ADPRH: variants seen among roughly 807,000 people sequenced by gnomAD.
ADPRH encodes ADP-ribose-L-arginine cleaving enzyme.
A neutral mutation model predicts 28.8 loss-of-function variants in ADPRH; 27 were observed. The observed-to-expected ratio is 0.94, with a 90% confidence interval of 0.69 to 1.29. The LOEUF (loss-of-function observed/expected upper bound fraction) is 1.29, where lower values mean the gene tolerates loss of function less well. Ranked by LOEUF, ADPRH falls within the 50% of genes most tolerant of loss-of-function variation. The pLI, the probability that ADPRH is intolerant of heterozygous loss-of-function variation, is 0.00. For missense variants in ADPRH, 419 were observed against 444.8 expected, an observed-to-expected ratio of 0.94 and a Z score of 0.52; for synonymous variants, 161 against 166.9, an observed-to-expected ratio of 0.96 and a Z score of 0.27.
chr3:119,586,364 G>A lies in ADPRH; in HGVS notation c.378G>A (p.Glu126=), dbSNP rs146226998. 114 of 1,614,230 alleles carry A rather than the reference G, an allele frequency of 7.1e-5. No individual in the cohort carries two copies. The African/African-American group carries it at 8.0e-4, about 11-fold the overall frequency. Residue 126 remains glutamate (E), a synonymous_variant, in exon 4 of 5, where the codon GAG becomes GAA. Transcript: ENST00000357003. ...GGAGGATTCCCTTCAACAGCCATGA[G>A]GGCGGCTGTGGGGCTGCCATGCGGG... ...NGWRIPFNSH[E]GGCGAAMRAM...
chr3:119,583,880 C>T (rs1313075747), intron 3 of ADPRH, among the ~76,000 whole-genome samples: 7 of 151,904 alleles, frequency 4.6e-5, no homozygotes, highest in African/African-American at 1.2e-4. Flanking sequence ...CAGGTTCAAG[C>T]GATTCTCCTG....
Position 119,587,795 on chromosome 3 carries a change from CTAGAA to C in ADPRH, c.994_998del (p.Glu332GlnfsTer9). The stretch of plus-strand genomic sequence containing the variant: ...AGTGAGTCCCTCCAACTATGAGAAA[CTAGAA>C]TACAGAAACCGGCTGGAAGAGACAG... On this transcript the variant is annotated frameshift_variant, in exon 5 of 5. Coordinates refer to ENST00000357003, the MANE Select transcript of ADPRH (RefSeq NM_001125.4). LOFTEE classifies it high-confidence loss of function. 6.2e-7 allele frequency: 1 copy of C among 1,614,096 alleles called. No homozygotes were observed. The highest frequency in any genetic ancestry group is 8.5e-7 in the Non-Finnish European group (1 of 1,179,986).
chr3:119,582,453 A>C lies in ADPRH; in HGVS notation c.284A>C (p.Asp95Ala). Residue 95 changes from aspartate to alanine, a missense_variant, in exon 3 of 5, where the codon GAT (aspartate) becomes GCT (alanine). Coordinates refer to ENST00000357003, the MANE Select transcript of ADPRH (RefSeq NM_001125.4). Reference sequence around the variant, plus strand: ...TACCAAGACTGCATGGAAGACATGGATGGGCGGGCACCAGGTGAGCACAGC... The same window carrying C: ...TACCAAGACTGCATGGAAGACATGGCTGGGCGGGCACCAGGTGAGCACAGC... ...KHYQDCMEDM[D>A]GRAPGGASVH... 1 of 1,613,010 alleles carries C rather than the reference A, an allele frequency of 6.2e-7. No homozygotes were observed. The highest frequency in any genetic ancestry group is 8.5e-7 in the Non-Finnish European group (1 of 1,179,138).
chr3:119,586,679 G>A lies in ADPRH; in HGVS notation c.659+34G>A, dbSNP rs199677002. On this transcript the variant is annotated intron_variant, in intron 4 of 4. Coordinates refer to ENST00000357003, the MANE Select transcript of ADPRH (RefSeq NM_001125.4). ...GTAAGCGCACGCCCTGCTCAAACAC[G>A]GTTGAATCTGTGCGTGTACATCCAC... 316 of 1,603,814 alleles carry A rather than the reference G, an allele frequency of 2.0e-4. 1 individual carries two copies. The highest frequency in any genetic ancestry group is 1.6e-3 in the African/African-American group (118 of 74,280).
intron 2 of ADPRH, 51 bp from the exon 3 acceptor site, chr3:119,582,083 G>GTTTTTTTTTTTT: frequency 1.5e-6 from 1 of 651,116 alleles, no homozygotes; most frequent in Non-Finnish European, 2.5e-6. Context: ...TGTTTTTTCT[G>GTTTTTTTTTTTT]ATTCTTCTTG....
chr3:119,580,932 T>C (rs1470189527), intron 2 of ADPRH, among the ~76,000 whole-genome samples: 1 of 152,116 alleles, frequency 6.6e-6, no homozygotes, highest in East Asian at 1.9e-4. Flanking sequence ...TATTTAAACA[T>C]TACTGTCGAA....
intron 2 of ADPRH, among the ~76,000 whole-genome samples, 165 bp downstream of exon 2, chr3:119,580,801 G>A (rs77386419): frequency 0.015 from 2,215 of 152,262 alleles, 24 homozygotes; most frequent in Middle Eastern, 0.037. Context: ...TGAAAGAGGG[G>A]GGTTCTTAGG....
chr3:119,587,337 A>C, intron 4 of ADPRH, 127 bp from the exon 5 acceptor site: 2 of 634,404 alleles, frequency 3.2e-6, no homozygotes, highest in African/African-American at 3.7e-5. Flanking sequence ...TAAATAGTTT[A>C]TGATATTACT....
Position 119,587,616 on chromosome 3 carries a change from G to T in ADPRH, c.812G>T (p.Gly271Val), listed in dbSNP as rs1333842109. ...TACTCTGGCTGGGGTGGCAGCAGTGGGCACGATGCCCCCATGATTGCCTAC... is the reference window on the plus strand; with the variant it reads ...TACTCTGGCTGGGGTGGCAGCAGTGTGCACGATGCCCCCATGATTGCCTAC... ...LSYSGWGGSSGHDAPMIAYDA... is the reference protein window; with the variant it reads ...LSYSGWGGSSVHDAPMIAYDA... Residue 271 changes from glycine to valine, a missense_variant, in exon 5 of 5, where the codon GGG becomes GTG. Physicochemically the swap from Gly to Val is moderately radical, Grantham distance 109. Coordinates refer to ENST00000357003, the MANE Select transcript of ADPRH (RefSeq NM_001125.4). 1 of 1,614,150 alleles carries T rather than the reference G, an allele frequency of 6.2e-7. No homozygotes were observed. Among genetic ancestry groups the T allele is most frequent in the East Asian group, 2.2e-5 (1 of 44,886 alleles).
Position 119,586,312 on chromosome 3 carries a change from A to C in ADPRH, c.326A>C (p.Gln109Pro), listed in dbSNP as rs1455801951. The C allele has an allele frequency of 5.0e-6, 8 of 1,613,720 alleles. No individual in the cohort carries two copies. The highest frequency in any genetic ancestry group is 6.8e-6 in the Non-Finnish European group (8 of 1,180,042). ...PGGASVHNAM[Q>P]LKPGKPNGWR... ...GGTGCCTCGGTGCACAACGCCATGC[A>C]GCTGAAGCCGGGCAAGCCCAATGGC... Residue 109 changes from glutamine to proline, a missense_variant, in exon 4 of 5, where the codon CAG becomes CCG. Coordinates refer to ENST00000357003, the MANE Select transcript of ADPRH (RefSeq NM_001125.4).
intron 2 of ADPRH, among the ~76,000 whole-genome samples, chr3:119,581,229 G>A (rs1425266997): frequency 6.6e-6 from 1 of 151,832 alleles, no homozygotes; most frequent in Non-Finnish European, 1.5e-5. Flanking sequence ...CACCATACCC[G>A]GCTAATTTTT....
At chr3:119,582,109 C>G in intron 2 of ADPRH, 25 bp from the exon 3 acceptor site, 2 of 826,356 alleles carry the variant, frequency 2.4e-6, no homozygotes, top group Non-Finnish European at 3.6e-6. Context: ...CATCCTATTT[C>G]CTTTGTCTTA....
rs1007533187 is a variant in ADPRH, at chr3:119,588,563, G to C, written c.*685G>C. 3.9e-5 allele frequency: 6 copies of C among 152,264 alleles called. No individual in the cohort carries two copies. The highest frequency in any genetic ancestry group is 1.2e-4 in the African/African-American group (5 of 41,464). The allele number at this position is 152,264 out of a possible 1,614,324, so 9.4% of individuals were successfully genotyped here. A position where few individuals can be genotyped will look rare whatever the true frequency, so the allele number is the denominator to read the frequency against. The stretch of plus-strand genomic sequence containing the variant: ...TAGTGTCTTCAGGTAAAGACTCAGA[G>C]ATACTTGCAGGGGCAAGCTGTAAAG... On this transcript the variant is annotated 3_prime_UTR_variant, in exon 5 of 5. Transcript: ENST00000357003.
chr3:119,586,125 A>G, intron 3 of ADPRH, among the ~76,000 whole-genome samples, 160 bp from the exon 4 acceptor site: 1 of 152,224 alleles, frequency 6.6e-6, no homozygotes, highest in East Asian at 1.9e-4. Context: ...AGAAAGGCAC[A>G]TTGTTGGGTG....
In ADPRH at chr3:119,583,891, C is replaced by T. The variant is rs569853790; in HGVS notation, c.298+1424C>T. Among the ~76,000 whole-genome samples, 8 of 152,134 alleles carry T rather than the reference C, an allele frequency of 5.3e-5. No homozygotes were observed. The East Asian group carries it at 1.5e-3, about 29-fold the overall frequency. ...CTCCCAGGTTCAAGCGATTCTCCTGCCCCAGCCTCCCAAGTAGCTGGGATT... is the reference window on the plus strand; with the variant it reads ...CTCCCAGGTTCAAGCGATTCTCCTGTCCCAGCCTCCCAAGTAGCTGGGATT... On this transcript the variant is annotated intron_variant, in intron 3 of 4. Coordinates refer to ENST00000357003, the MANE Select transcript of ADPRH (RefSeq NM_001125.4).
chr3:119,586,531 C>A lies in ADPRH; in HGVS notation c.545C>A (p.Ala182Asp). 6.2e-7 allele frequency: 1 copy of A among 1,614,196 alleles called. No homozygotes were observed. Among genetic ancestry groups the A allele is most frequent in the Non-Finnish European group, 8.5e-7 (1 of 1,180,028 alleles). The change falls in exon 4 of 5, where the codon GCT (alanine) becomes GAT (aspartate). Residue 182 changes from alanine to aspartate, a missense_variant. Physicochemically the swap from Ala to Asp is moderately radical, Grantham distance 126. Transcript: ENST00000357003. ...ALASALFTAY[A>D]VNSRPPLQWG... is the part of the protein sequence containing the mutation. ...GCGTCTGCTCTTTTTACAGCCTATGCTGTGAATAGCAGACCACCCTTGCAG... is the reference window on the plus strand; with the variant it reads ...GCGTCTGCTCTTTTTACAGCCTATGATGTGAATAGCAGACCACCCTTGCAG...
rs1413468784 is a variant in ADPRH, at chr3:119,579,797, C to T, written c.-177C>T. 6.5e-6 allele frequency: 1 copy of T among 153,334 alleles called. No individual in the cohort carries two copies. Among genetic ancestry groups the T allele is most frequent in the Non-Finnish European group, 1.5e-5 (1 of 68,948 alleles). 9.5% of individuals were successfully genotyped at this position (153,334 alleles called of 1,614,324 possible). A position where few individuals can be genotyped will look rare whatever the true frequency, so the allele number is the denominator to read the frequency against. On this transcript the variant is annotated 5_prime_UTR_variant, in exon 1 of 5. Transcript: ENST00000357003. ...CAGCAGCCAAGGCCTCTTCCCCGGC[C>T]CCGGGAGCCCGCGCCACGCCCGTCG...
chr3:119,582,494 G>A (rs1560066970), intron 3 of ADPRH, 27 bp downstream of exon 3: 1 of 1,597,788 alleles, frequency 6.3e-7, no homozygotes, highest in East Asian at 2.2e-5. Context: ...GGAGGTGCAA[G>A]GAGGGCAAAG....
At position 119,588,511 on chromosome 3, in the gene ADPRH, G is replaced by A. The variant is rs1444784443; in HGVS notation, c.*633G>A. ...GGATGCTAACTCCCTGGTAATTCTT[G>A]GCTTACCCTTTGTACAAACCAAACC... is the stretch of plus-strand genomic sequence containing the variant. On this transcript the variant is annotated 3_prime_UTR_variant, in exon 5 of 5. Coordinates refer to ENST00000357003, the MANE Select transcript of ADPRH (RefSeq NM_001125.4). 6.6e-6 allele frequency: 1 copy of A among 152,188 alleles called. No homozygotes were observed. Among genetic ancestry groups the A allele is most frequent in the Non-Finnish European group, 1.5e-5 (1 of 68,054 alleles). 9.4% of individuals were successfully genotyped at this position (152,188 alleles called of 1,614,324 possible). A position where few individuals can be genotyped will look rare whatever the true frequency, so the allele number is the denominator to read the frequency against.
Sources: allele counts gnomAD v4.1 joint callset (sites outside exome capture counted in the v4.1 genomes callset), GRCh38; gene constraint gnomAD v4.1.1; transcripts MANE v1.5; gene names NCBI Gene and HGNC (gene_info 2026-07-23, HGNC 2026-07-21).